The following KCND2 variants were observed in gnomAD, a reference collection of about 807,000 sequenced individuals.
KCND2 encodes potassium voltage-gated channel subfamily D member 2.
KCND2 carries 16 observed loss-of-function variants against 54.4 expected under a neutral mutation model. The observed-to-expected ratio is 0.29, with a 90% confidence interval of 0.20 to 0.45. The LOEUF (loss-of-function observed/expected upper bound fraction) is 0.45. Among genes scored for constraint, KCND2 ranks in the 20% least tolerant of loss-of-function variants. KCND2 has a pLI of 1.00. For missense variants in KCND2, 486 were observed against 824.2 expected (o/e 0.59, Z 5.02); for synonymous variants, 317 against 310.7 (o/e 1.02, Z -0.21).
rs549961203 is a variant in KCND2, at chr7:120,467,456, G to T, written c.1115+191709G>T. Among the ~76,000 whole-genome samples the T allele has an allele frequency of 2.6e-5, 4 of 152,070 alleles. No individual in the cohort carries two copies. In the South Asian group the frequency reaches 6.2e-4, roughly 24 times the overall value. ...AGAAAATCTAGCTGCTTAATTTCTG[G>T]TGCATTTGGAGGCCATCAGGTGTTC... On this transcript the variant is annotated intron_variant, in intron 1 of 5. Transcript: ENST00000331113.
intron 2 of KCND2, among the ~76,000 whole-genome samples, chr7:120,740,052 A>G (rs1792921732): frequency 6.6e-6 from 1 of 152,236 alleles, no homozygotes; most frequent in South Asian, 2.1e-4. Flanking sequence ...ATACGGAAAG[A>G]GTTCTGAGAT....
At chr7:120,585,239 A>G (rs953346340) in intron 1 of KCND2, among the ~76,000 whole-genome samples, 1 of 152,076 alleles carries the variant, frequency 6.6e-6, no homozygotes, top group Non-Finnish European at 1.5e-5. Context: ...CACCTCTGTG[A>G]ACAAATGTCT....
chr7:120,457,654 C>G (rs1334703019), intron 1 of KCND2, among the ~76,000 whole-genome samples: 1 of 152,160 alleles, frequency 6.6e-6, no homozygotes, highest in African/African-American at 2.4e-5. Flanking sequence ...CCAAACTTTC[C>G]TACATCTTCC....
intron 1 of KCND2, among the ~76,000 whole-genome samples, chr7:120,526,983 C>G (rs1360006967): frequency 6.6e-6 from 1 of 152,072 alleles, no homozygotes; most frequent in Non-Finnish European, 1.5e-5. Flanking sequence ...AACAATGGAT[C>G]ATTTTAACTT....
chr7:120,331,503 CAA>C (rs900596474), intron 1 of KCND2, among the ~76,000 whole-genome samples: 5 of 151,496 alleles, frequency 3.3e-5, no homozygotes, highest in Admixed American at 6.6e-5. Context: ...GGAAAAAAGA[CAA>C]AGAGTGAGAG....
At chr7:120,616,878 C>T (rs990992801) in intron 1 of KCND2, among the ~76,000 whole-genome samples, 4 of 152,114 alleles carry the variant, frequency 2.6e-5, no homozygotes, top group Non-Finnish European at 5.9e-5. Context: ...CAGTTTTCTT[C>T]CTTCTCTGCC....
At chr7:120,624,709 A>G (rs888611735) in intron 1 of KCND2, among the ~76,000 whole-genome samples, 1 of 151,810 alleles carries the variant, frequency 6.6e-6, no homozygotes, top group Non-Finnish European at 1.5e-5. Context: ...TGACCCAAGG[A>G]GGACAAGGTT....
intron 1 of KCND2, among the ~76,000 whole-genome samples, chr7:120,331,833 T>C (rs1047927258): frequency 6.6e-6 from 1 of 152,126 alleles, no homozygotes; most frequent in African/African-American, 2.4e-5. Context: ...TGATGTTTGC[T>C]GCATATTGTG....
chr7:120,659,785 C>A (rs1042499519), intron 1 of KCND2, among the ~76,000 whole-genome samples: 7 of 152,114 alleles, frequency 4.6e-5, no homozygotes, highest in African/African-American at 1.7e-4. Flanking sequence ...CTGCAGAATC[C>A]CGCAGAACCT....
At chr7:120,575,436 T>C (rs1792419069) in intron 1 of KCND2, among the ~76,000 whole-genome samples, 1 of 152,126 alleles carries the variant, frequency 6.6e-6, no homozygotes, top group Admixed American at 6.5e-5. Context: ...CTATGCTTGC[T>C]TTTATCCGAG....
intron 1 of KCND2, among the ~76,000 whole-genome samples, chr7:120,531,045 G>A (rs1258056579): frequency 6.6e-6 from 1 of 152,058 alleles, no homozygotes; most frequent in Non-Finnish European, 1.5e-5. Context: ...TATGTGAGCA[G>A]CTGAACAGTG....
At chr7:120,461,786 T>C (rs536689873) in intron 1 of KCND2, among the ~76,000 whole-genome samples, 14 of 152,280 alleles carry the variant, frequency 9.2e-5, no homozygotes, top group African/African-American at 3.1e-4. Flanking sequence ...TTAATTCTGC[T>C]TGTGTCACCT....
rs1019430812 is a variant in KCND2 at position 120,479,984 on chromosome 7, G to C, written c.1115+204237G>C. Among the ~76,000 whole-genome samples, 6 of 144,108 alleles carry C rather than the reference G, an allele frequency of 4.2e-5. No homozygotes were observed. The Admixed American group carries it at 4.2e-4, about 10-fold the overall frequency. The allele number at this position is 144,108 out of a possible 152,430, so 94.5% of individuals were successfully genotyped here. A position where few individuals can be genotyped will look rare whatever the true frequency, so the allele number is the denominator to read the frequency against. On this transcript the variant is annotated intron_variant, in intron 1 of 5. Transcript: ENST00000331113. ...TGTCAAAAAAAAAAAAAAAAAGAAAGAAAGAAGTATGAGCTTATAGATTTA... is the reference window on the plus strand; with the variant it reads ...TGTCAAAAAAAAAAAAAAAAAGAAACAAAGAAGTATGAGCTTATAGATTTA...
chr7:120,675,650 AC>A (rs1554384609), intron 1 of KCND2, among the ~76,000 whole-genome samples: 1 of 152,076 alleles, frequency 6.6e-6, no homozygotes, highest in Non-Finnish European at 1.5e-5. Context: ...TATAATACAT[AC>A]CTATTTCTAT....
intron 2 of KCND2, among the ~76,000 whole-genome samples, chr7:120,737,035 TACACACAC>T (rs768582158): frequency 0.07 from 6,865 of 98,720 alleles, 440 homozygotes; most frequent in East Asian, 0.35. Flanking sequence ...CTGGAAAGCT[TACACACAC>T]ACACACACAC....
chr7:120,402,288 C>T lies in KCND2; in HGVS notation c.1115+126541C>T, dbSNP rs1450970866. Among the ~76,000 whole-genome samples the T allele has an allele frequency of 2.6e-5, 4 of 151,270 alleles. No homozygotes were observed. The East Asian group carries it at 8.4e-4, about 32-fold the overall frequency. On this transcript the variant is annotated intron_variant, in intron 1 of 5. Coordinates refer to ENST00000331113, the MANE Select transcript of KCND2 (RefSeq NM_012281.3). ...AAGGAACTTAAATTAAGGAAGCTTC[C>T]CATGTGCATCCCTTCCCCCACAAAA...
chr7:120,501,342 A>G (rs1157872680), intron 1 of KCND2, among the ~76,000 whole-genome samples: 1 of 152,168 alleles, frequency 6.6e-6, no homozygotes, highest in Non-Finnish European at 1.5e-5. Context: ...TATTTATATG[A>G]CAGGTCCCTT....
chr7:120,645,657 A>G (rs1254089672), intron 1 of KCND2, among the ~76,000 whole-genome samples: 1 of 151,466 alleles, frequency 6.6e-6, no homozygotes, highest in Non-Finnish European at 1.5e-5. Context: ...TCTGCTTCCA[A>G]TGGCTGGCCA....
intron 1 of KCND2, among the ~76,000 whole-genome samples, chr7:120,353,458 T>A (rs1205310397): frequency 3.3e-5 from 5 of 152,072 alleles, no homozygotes; most frequent in Non-Finnish European, 7.4e-5. Context: ...AGTGACTAAT[T>A]AGATGCAAGG....
Sources: allele counts gnomAD v4.1 joint callset (sites outside exome capture counted in the v4.1 genomes callset), GRCh38; gene constraint gnomAD v4.1.1; transcripts MANE v1.5; gene names NCBI Gene and HGNC (gene_info 2026-07-23, HGNC 2026-07-21).